Variants in PRLR observed in about 807,000 individuals in gnomAD.
The protein encoded by PRLR is prolactin receptor, also known as hPRL receptor.
Under a neutral mutation model 40.2 loss-of-function variants are expected in PRLR, and 13 were observed. The observed-to-expected ratio is 0.32, with a 90% confidence interval of 0.21 to 0.51. PRLR has a LOEUF of 0.51. PRLR is among the 20% of genes least tolerant of loss of function. The pLI is 0.97. For missense variants in PRLR, 656 were observed against 747.3 expected, an observed-to-expected ratio of 0.88 and a Z score of 1.42; for synonymous variants, 269 against 278.7, an observed-to-expected ratio of 0.97 and a Z score of 0.35.
At chr5:35,187,010 C>A (rs943774514) in intron 1 of PRLR, among the ~76,000 whole-genome samples, 2 of 152,078 alleles carry the variant, frequency 1.3e-5, no homozygotes, top group Admixed American at 6.6e-5. Context: ...AGGAAGCGCA[C>A]CAAACCAGCA....
chr5:35,086,310 A>G lies in PRLR; in HGVS notation c.101T>C (p.Phe34Ser). The G allele has an allele frequency of 6.2e-7, 1 of 1,613,928 alleles. No homozygotes were observed. Among genetic ancestry groups the G allele is most frequent in the Non-Finnish European group, 8.5e-7 (1 of 1,179,926 alleles). ...GQLPPGKPEI[F>S]KCRSPNKETF... is the part of the protein sequence containing the mutation. ...TTCCTTATTGGGAGAACGACATTTA[A>G]AGATCTCAGGTTTTCCAGGAGGTAA... is the stretch of plus-strand genomic sequence containing the variant. Residue 34 changes from phenylalanine to serine, a missense_variant, in exon 4 of 10, where the codon TTT (phenylalanine) becomes TCT (serine). Phe to Ser is a radical substitution (Grantham distance 155, BLOSUM62 -2). Coordinates refer to ENST00000618457, the MANE Select transcript of PRLR (RefSeq NM_000949.7).
At chr5:35,199,642 C>G (rs1321463748) in intron 1 of PRLR, among the ~76,000 whole-genome samples, 1 of 152,046 alleles carries the variant, frequency 6.6e-6, no homozygotes, top group Non-Finnish European at 1.5e-5. Context: ...TTATAGTTCT[C>G]TAAATAAAAT....
chr5:35,096,866 C>T (rs1771563553), intron 2 of PRLR, among the ~76,000 whole-genome samples: 1 of 152,120 alleles, frequency 6.6e-6, no homozygotes, highest in African/African-American at 2.4e-5. Flanking sequence ...GTGATCTGCC[C>T]ACCTCAACCT....
At chr5:35,222,750 A>G (rs10077707) in intron 1 of PRLR, among the ~76,000 whole-genome samples, 89,160 of 152,074 alleles carry the variant, frequency 0.59, 27,545 homozygotes, top group Non-Finnish European at 0.7. Context: ...GGAATTCAGT[A>G]GCTGGAAATT....
chr5:35,163,189 C>T (rs1774726890), intron 1 of PRLR, among the ~76,000 whole-genome samples: 1 of 152,170 alleles, frequency 6.6e-6, no homozygotes, highest in African/African-American at 2.4e-5. Context: ...GAGAGGGCCC[C>T]TGTTTCTAAT....
intron 5 of PRLR, chr5:35,081,366 T>C (rs965293444): frequency 1.8e-5 from 4 of 216,338 alleles, no homozygotes; most frequent in Non-Finnish European, 2.8e-5. Context: ...AGGTCATCTC[T>C]GAGCTGAATG....
chr5:35,065,988 G>A lies in PRLR; in HGVS notation c.970C>T (p.His324Tyr), dbSNP rs757564299. 1.2e-6 allele frequency: 2 copies of A among 1,614,162 alleles called. No homozygotes were observed. Among genetic ancestry groups the A allele is most frequent in the Admixed American group, 3.3e-5 (2 of 60,026 alleles). ...YLEVDDSEDQ[H>Y]LMSVHSKEHP... is the part of the protein sequence containing the mutation. ...TCTTTTGAATGGACTGACATTAGATGCTGGTCCTCACTATCATCTACTTCT... is the reference window on the plus strand; with the variant it reads ...TCTTTTGAATGGACTGACATTAGATACTGGTCCTCACTATCATCTACTTCT... Residue 324 changes from histidine to tyrosine, a missense_variant, in exon 10 of 10, where the codon CAT (histidine) becomes TAT (tyrosine). By Grantham distance (83) the His-to-Tyr change is moderately conservative. This residue lies in a region of PRLR where 469 missense variants were observed against 491.5 expected (regional missense o/e 0.95). Coordinates refer to ENST00000618457, the MANE Select transcript of PRLR (RefSeq NM_000949.7).
Position 35,061,648 on chromosome 5 carries a change from C to T in PRLR, c.*3441G>A, listed in dbSNP as rs149171682. Reference sequence around the variant, plus strand: ...AGCTGATATAACTTGTGCTTATACACATCTGTTAGAATGAATTGGAACATC... The same window carrying T: ...AGCTGATATAACTTGTGCTTATACATATCTGTTAGAATGAATTGGAACATC... On this transcript the variant is annotated 3_prime_UTR_variant, in exon 10 of 10. Transcript: ENST00000618457. 1.2e-4 allele frequency: 19 copies of T among 152,338 alleles called. No homozygotes were observed. In the East Asian group the frequency reaches 3.7e-3, roughly 29 times the overall value. The allele number at this position is 152,338 out of a possible 1,614,324, so 9.4% of individuals were successfully genotyped here. A position where few individuals can be genotyped will look rare whatever the true frequency, so the allele number is the denominator to read the frequency against.
At chr5:35,150,832 A>G (rs1447478768) in intron 1 of PRLR, among the ~76,000 whole-genome samples, 3 of 152,220 alleles carry the variant, frequency 2.0e-5, no homozygotes. Context: ...TCTCCCCACA[A>G]TAATCAATGA....
intron 1 of PRLR, among the ~76,000 whole-genome samples, chr5:35,118,779 T>C (rs529188802): frequency 6.6e-6 from 1 of 152,044 alleles, no homozygotes; most frequent in East Asian, 1.9e-4. Flanking sequence ...GGGACAACTG[T>C]TAGAGGTATG....
intron 1 of PRLR, among the ~76,000 whole-genome samples, chr5:35,155,577 G>A (rs192477473): frequency 7.6e-4 from 116 of 152,276 alleles, no homozygotes; most frequent in African/African-American, 2.7e-3. Context: ...TAAAATGGAA[G>A]CCGTTGGTTC....
chr5:35,197,041 C>T (rs1467866964), intron 1 of PRLR, among the ~76,000 whole-genome samples: 2 of 152,196 alleles, frequency 1.3e-5, no homozygotes, highest in South Asian at 2.1e-4. Context: ...AGGATTTCAA[C>T]ATATGAATTT....
chr5:35,163,825 A>G (rs1046602017), intron 1 of PRLR, among the ~76,000 whole-genome samples: 3 of 152,252 alleles, frequency 2.0e-5, no homozygotes, highest in Admixed American at 6.5e-5. Flanking sequence ...TCATTTATTC[A>G]TGCATGCAGG....
intron 1 of PRLR, among the ~76,000 whole-genome samples, chr5:35,180,357 G>A (rs571575312): frequency 8.5e-5 from 13 of 152,208 alleles, no homozygotes; most frequent in Non-Finnish European, 1.0e-4. Context: ...TGCTCTCTTC[G>A]TGATAGTGAG....
intron 1 of PRLR, among the ~76,000 whole-genome samples, chr5:35,180,889 C>CT (rs896996285): frequency 1.3e-5 from 2 of 152,118 alleles, no homozygotes; most frequent in African/African-American, 2.4e-5. Flanking sequence ...TCATCCACCT[C>CT]TTTTTTTAAT....
intron 1 of PRLR, among the ~76,000 whole-genome samples, chr5:35,174,614 C>T (rs567100813): frequency 2.0e-5 from 3 of 152,270 alleles, no homozygotes; most frequent in Admixed American, 1.3e-4. Flanking sequence ...CACCATTACT[C>T]CCTGTCTTCT....
In PRLR at chr5:35,060,528, C is replaced by T. The variant is rs1300102759; in HGVS notation, c.*4561G>A. ...CTAGATCATGAGAGGTCTTAGAAAC[C>T]TTTTAGGCCAACCTACTTATTTAAC... is the stretch of plus-strand genomic sequence containing the variant. On this transcript the variant is annotated 3_prime_UTR_variant, in exon 10 of 10. Transcript: ENST00000618457. The T allele has an allele frequency of 6.6e-6, 1 of 152,154 alleles. No individual in the cohort carries two copies. Among genetic ancestry groups the T allele is most frequent in the African/African-American group, 2.4e-5 (1 of 41,416 alleles). The allele number at this position is 152,154 out of a possible 1,614,324, so 9.4% of individuals were successfully genotyped here.
intron 8 of PRLR, among the ~76,000 whole-genome samples, chr5:35,050,587 T>C (rs1353038088): frequency 2.6e-5 from 4 of 152,170 alleles, no homozygotes; most frequent in Non-Finnish European, 5.9e-5. Flanking sequence ...AAAAAAATAC[T>C]TCACAAATGG....
chr5:35,150,572 A>T (rs1277137161), intron 1 of PRLR, among the ~76,000 whole-genome samples: 1 of 152,224 alleles, frequency 6.6e-6, no homozygotes, highest in African/African-American at 2.4e-5. Flanking sequence ...TGCAGTATTG[A>T]ATTAAACCAT....
Sources: gnomAD v4.1 joint callset for allele counts (sites outside exome capture counted in the v4.1 genomes callset) on GRCh38, gnomAD v4.1.1 for gene constraint, gnomAD v4.1.1 regional missense constraint, MANE v1.5 for transcripts, NCBI Gene and HGNC (gene_info 2026-07-23, HGNC 2026-07-21) for gene names.